The following PLXNA2 variants were observed in gnomAD, a reference collection of about 807,000 sequenced individuals.
PLXNA2 encodes plexin-A2.
A neutral mutation model predicts 193.5 loss-of-function variants in PLXNA2; 91 were observed. The ratio of observed to expected loss-of-function variants is 0.47; its 90% CI spans 0.40 to 0.56. The LOEUF is 0.56. Ranked by LOEUF, PLXNA2 falls within the 20% of genes least tolerant of loss-of-function variation. PLXNA2 has a pLI of 0.00. For synonymous variants in PLXNA2, 997 were observed against 1,027.3 expected, an observed-to-expected ratio of 0.97 and a Z score of 0.56; for missense variants, 1,995 against 2,503.2, an observed-to-expected ratio of 0.80 and a Z score of 4.33.
rs548014895 is a variant in PLXNA2 at position 208,086,153 on chromosome 1, C to T, written c.2098-1573G>A. Among the ~76,000 whole-genome samples, 4 of 152,250 alleles carry T rather than the reference C, an allele frequency of 2.6e-5. No individual in the cohort carries two copies. In the South Asian group the frequency reaches 8.3e-4, roughly 32 times the overall value. On this transcript the variant is annotated intron_variant, in intron 9 of 31. Transcript: ENST00000367033. Reference sequence around the variant, plus strand: ...TTACAATTTCTTGATTTGCTTTCCTCACTGGGCTGTGAGCTTCTTGAGGAT... The same window carrying T: ...TTACAATTTCTTGATTTGCTTTCCTTACTGGGCTGTGAGCTTCTTGAGGAT...
intron 22 of PLXNA2, 185 bp from the exon 23 acceptor site, chr1:208,040,243 G>T (rs1189075063): frequency 3.3e-6 from 2 of 597,218 alleles, no homozygotes; most frequent in Non-Finnish European, 6.0e-6. Flanking sequence ...GGTAGGGGTG[G>T]CTTCTTTCTG....
At chr1:208,127,439 G>A (rs557742529) in intron 4 of PLXNA2, among the ~76,000 whole-genome samples, 2 of 152,284 alleles carry the variant, frequency 1.3e-5, no homozygotes, top group Admixed American at 1.3e-4. Flanking sequence ...ATGTCTTCTT[G>A]TCAGCACACA....
chr1:208,216,650 G>C (rs577903823), intron 2 of PLXNA2, 85 bp downstream of exon 2: 5 of 1,458,058 alleles, frequency 3.4e-6, no homozygotes, highest in Admixed American at 4.2e-5. Context: ...TGGTGGTGTG[G>C]GAGCAGATGT....
chr1:208,038,360 C>A lies in PLXNA2; in HGVS notation c.4764+11G>T, dbSNP rs200788806. On this transcript the variant is annotated intron_variant, in intron 26 of 31. Coordinates refer to ENST00000367033, the MANE Select transcript of PLXNA2 (RefSeq NM_025179.4). This position sits in a 1 kb window ranked among gnomAD's most constrained non-coding sequence, Gnocchi z 4.1. ...GGGAAGCTGAAGAGGGGAAAAGACACCCCCTCTCACCTGATAATGCATCAG... is the reference window on the plus strand; with the variant it reads ...GGGAAGCTGAAGAGGGGAAAAGACAACCCCTCTCACCTGATAATGCATCAG... 8 of 1,555,438 alleles carry A rather than the reference C, an allele frequency of 5.1e-6. No individual in the cohort carries two copies. In the Admixed American group the frequency reaches 1.2e-4, roughly 23 times the overall value.
chr1:208,178,720 C>G (rs991884266), intron 3 of PLXNA2, among the ~76,000 whole-genome samples: 1 of 152,330 alleles, frequency 6.6e-6, no homozygotes, highest in East Asian at 1.9e-4. Context: ...GTTCCAATAA[C>G]TCACCCTTAG....
chr1:208,155,047 G>T (rs1363657329), intron 3 of PLXNA2, among the ~76,000 whole-genome samples: 1 of 152,200 alleles, frequency 6.6e-6, no homozygotes, highest in Admixed American at 6.5e-5. Context: ...GGGGAAATTA[G>T]TACCTCCTCC....
At chr1:208,101,287 A>G (rs1261175238) in intron 5 of PLXNA2, among the ~76,000 whole-genome samples, 2 of 152,132 alleles carry the variant, frequency 1.3e-5, no homozygotes, top group Non-Finnish European at 2.9e-5. Flanking sequence ...CTCGGCCTCC[A>G]TTAAAGAGGC....
At chr1:208,243,333 G>T (rs986615356) in intron 1 of PLXNA2, among the ~76,000 whole-genome samples, 2 of 152,256 alleles carry the variant, frequency 1.3e-5, no homozygotes, top group South Asian at 2.1e-4. Context: ...GCAGGTGCGC[G>T]GTGGAGGCGC....
intron 4 of PLXNA2, among the ~76,000 whole-genome samples, chr1:208,120,496 CAAG>C (rs1481818300): frequency 6.6e-6 from 1 of 152,170 alleles, no homozygotes; most frequent in Non-Finnish European, 1.5e-5. Flanking sequence ...GGCCCTGAGA[CAAG>C]AAGATTGAAC....
chr1:208,124,794 T>C (rs1358881637), intron 4 of PLXNA2, among the ~76,000 whole-genome samples: 1 of 151,876 alleles, frequency 6.6e-6, no homozygotes, highest in Non-Finnish European at 1.5e-5. Flanking sequence ...CTTTCTTTCC[T>C]ATACATTCAA....
chr1:208,111,103 T>G (rs1016349032), intron 4 of PLXNA2, among the ~76,000 whole-genome samples: 3 of 151,948 alleles, frequency 2.0e-5, no homozygotes, highest in Non-Finnish European at 4.4e-5. Context: ...CAGGCAGGAG[T>G]ACAGTGGTGC....
chr1:208,050,572 C>A (rs980355720), intron 17 of PLXNA2, among the ~76,000 whole-genome samples: 1 of 152,170 alleles, frequency 6.6e-6, no homozygotes, highest in African/African-American at 2.4e-5. Flanking sequence ...GTGGCCCATG[C>A]CTATAATCCC....
intron 12 of PLXNA2, among the ~76,000 whole-genome samples, chr1:208,061,587 C>A (rs973261113): frequency 6.6e-6 from 1 of 152,184 alleles, no homozygotes; most frequent in Non-Finnish European, 1.5e-5. Context: ...CATGCTAGGA[C>A]AAAGAAGAAA....
chr1:208,111,876 A>G (rs1431814554), intron 4 of PLXNA2, among the ~76,000 whole-genome samples: 1 of 152,200 alleles, frequency 6.6e-6, no homozygotes, highest in African/African-American at 2.4e-5. Flanking sequence ...AAAAAGAGGC[A>G]CAAAAACCCC....
At position 208,166,654 on chromosome 1, in the gene PLXNA2, T is replaced by G. The variant is rs578246319; in HGVS notation, c.1372-24191A>C. Among the ~76,000 whole-genome samples the G allele has an allele frequency of 5.5e-4, 84 of 151,920 alleles. 2 individuals carry two copies. The South Asian group carries it at 0.017, about 31-fold the overall frequency. On this transcript the variant is annotated intron_variant, in intron 3 of 31. Transcript: ENST00000367033. ...GAGATAAAGTCCATGGGTTCCAGGGTGAGGAAAGGAAAATCAACAAATGTA... is the reference window on the plus strand; with the variant it reads ...GAGATAAAGTCCATGGGTTCCAGGGGGAGGAAAGGAAAATCAACAAATGTA...
chr1:208,212,804 A>G (rs966027088), intron 2 of PLXNA2, among the ~76,000 whole-genome samples: 1 of 151,974 alleles, frequency 6.6e-6, no homozygotes, highest in African/African-American at 2.4e-5. Context: ...TCCTCATCTC[A>G]TCCCTACACT....
At chr1:208,167,100 A>T (rs1669334797) in intron 3 of PLXNA2, among the ~76,000 whole-genome samples, 1 of 152,220 alleles carries the variant, frequency 6.6e-6, no homozygotes, top group East Asian at 1.9e-4. Flanking sequence ...AAGGAAATCC[A>T]TGTATGATTT....
rs1664314384 is a variant in PLXNA2, at chr1:208,025,434, C to G, written c.*1809G>C. ...CCTGGTCTAGTCTCTCTTGGAGGAG[C>G]TGGTCTAGCTTCCCAGCATCATAGC... On this transcript the variant is annotated 3_prime_UTR_variant, in exon 32 of 32. Transcript: ENST00000367033. 6.6e-6 allele frequency: 1 copy of G among 152,282 alleles called. No individual in the cohort carries two copies. Among genetic ancestry groups the G allele is most frequent in the Non-Finnish European group, 1.5e-5 (1 of 68,088 alleles). The allele number at this position is 152,282 out of a possible 1,614,324, so 9.4% of individuals were successfully genotyped here. A position where few individuals can be genotyped will look rare whatever the true frequency, so the allele number is the denominator to read the frequency against.
Position 208,217,067 on chromosome 1 carries a change from C to G in PLXNA2, c.856G>C (p.Asp286His). 6.2e-7 allele frequency: 1 copy of G among 1,613,814 alleles called. No individual in the cohort carries two copies. Among genetic ancestry groups the G allele is most frequent in the Non-Finnish European group, 8.5e-7 (1 of 1,179,720 alleles). Residue 286 changes from aspartate (D) to histidine (H), a missense_variant, in exon 2 of 32, where the codon GAT becomes CAT. This residue lies in a region of PLXNA2 where 702 missense variants were observed against 812.9 expected (regional missense o/e 0.86). Coordinates refer to ENST00000367033, the MANE Select transcript of PLXNA2 (RefSeq NM_025179.4). This position sits in a 1 kb window ranked among gnomAD's most constrained non-coding sequence, Gnocchi z 4.7. ...ACGTATGAGTGGAACTTGGGGTCAT[C>G]CTTGCAGAGCCGCACGATGCGTGAG... is the stretch of plus-strand genomic sequence containing the variant. ...YTSRIVRLCK[D>H]DPKFHSYVSL...
Sources: allele counts gnomAD v4.1 joint callset (sites outside exome capture counted in the v4.1 genomes callset), GRCh38; gene constraint gnomAD v4.1.1; regional missense constraint gnomAD v4.1.1; non-coding constraint Gnocchi (gnomAD v3.1); transcripts MANE v1.5; gene names NCBI Gene and HGNC (gene_info 2026-07-23, HGNC 2026-07-21).